The following RELN variants were observed in gnomAD, a reference collection of about 807,000 sequenced individuals.
RELN encodes the protein reelin.
In RELN, 108 loss-of-function variants were observed where a neutral mutation model predicts 427.6. The ratio of observed to expected loss-of-function variants is 0.25; its 90% CI spans 0.22 to 0.30. The LOEUF is 0.30. RELN is among the 10% of genes least tolerant of loss of function. The pLI, the probability that RELN is intolerant of heterozygous loss-of-function variation, is 1.00. For missense variants in RELN, 3,715 were observed against 4,302.8 expected (o/e 0.86, Z 3.82); for synonymous variants, 1,524 against 1,513.4 (o/e 1.01, Z -0.16).
At chr7:103,933,385 G>A (rs547790371) in intron 1 of RELN, among the ~76,000 whole-genome samples, 1 of 152,014 alleles carries the variant, frequency 6.6e-6, no homozygotes, top group Non-Finnish European at 1.5e-5. Context: ...CACTAAAGTA[G>A]GTGTTCGTTT....
At chr7:103,841,293 A>T (rs1448819773) in intron 2 of RELN, among the ~76,000 whole-genome samples, 1 of 152,114 alleles carries the variant, frequency 6.6e-6, no homozygotes, top group Admixed American at 6.6e-5. Flanking sequence ...AATCAATATC[A>T]CTCTGTAAAG....
At chr7:103,859,734 T>G (rs1794029180) in intron 2 of RELN, among the ~76,000 whole-genome samples, 1 of 152,200 alleles carries the variant, frequency 6.6e-6, no homozygotes, top group Admixed American at 6.5e-5. Context: ...GCACTTGAAC[T>G]TTTCTTCACA....
chr7:103,832,782 T>C (rs1410686566), intron 3 of RELN, among the ~76,000 whole-genome samples: 1 of 152,104 alleles, frequency 6.6e-6, no homozygotes, highest in Non-Finnish European at 1.5e-5. Context: ...TTCTACAGAG[T>C]ACCTGACTTC....
chr7:103,629,970 T>C lies in RELN; in HGVS notation c.2672A>G (p.Gln891Arg). The C allele has an allele frequency of 6.2e-7, 1 of 1,613,066 alleles. No individual in the cohort carries two copies. ...GGTCCAGTCGTGGCCACAGTATGGC[T>C]GAACATTTCCAAGGTAGAATCCCAG... ...QSLGFYLGNV[Q>R]PYCGHDWTLC... The change falls in exon 20 of 65, where the codon CAG becomes CGG. Residue 891 changes from glutamine to arginine, a missense_variant. By Grantham distance (43) the Gln-to-Arg change is conservative. Transcript: ENST00000428762.
At chr7:103,658,498 C>T (rs1400164725) in intron 12 of RELN, among the ~76,000 whole-genome samples, 1 of 151,962 alleles carries the variant, frequency 6.6e-6, no homozygotes, top group Non-Finnish European at 1.5e-5. Flanking sequence ...CGTATCCCAC[C>T]ATATTCCATC....
intron 3 of RELN, among the ~76,000 whole-genome samples, chr7:103,778,358 G>A (rs189488367): frequency 6.6e-6 from 1 of 152,190 alleles, no homozygotes; most frequent in African/African-American, 2.4e-5. Context: ...CTTTGGAAGG[G>A]ACACATTTTC....
chr7:103,896,532 A>C (rs574058406), intron 2 of RELN, among the ~76,000 whole-genome samples: 6 of 152,204 alleles, frequency 3.9e-5, no homozygotes, highest in African/African-American at 1.4e-4. Flanking sequence ...TATTTACATA[A>C]AGTTCTAGAA....
intron 8 of RELN, among the ~76,000 whole-genome samples, chr7:103,709,707 T>C (rs1789746033): frequency 6.6e-6 from 1 of 152,196 alleles, no homozygotes; most frequent in South Asian, 2.1e-4. Context: ...GTAAAAGTTG[T>C]TTGTCAGTAT....
intron 28 of RELN, among the ~76,000 whole-genome samples, chr7:103,578,257 C>A (rs1468548103): frequency 6.6e-6 from 1 of 152,060 alleles, no homozygotes; most frequent in Non-Finnish European, 1.5e-5. Flanking sequence ...ACCCAAGAAG[C>A]AGAATGCACT....
intron 22 of RELN, among the ~76,000 whole-genome samples, chr7:103,610,109 T>A (rs1831915708): frequency 6.6e-6 from 1 of 152,214 alleles, no homozygotes; most frequent in African/African-American, 2.4e-5. Context: ...ATATTACATC[T>A]TTTTGAGTGA....
chr7:103,707,073 A>C (rs1056931426), intron 8 of RELN, among the ~76,000 whole-genome samples: 1 of 152,128 alleles, frequency 6.6e-6, no homozygotes, highest in Non-Finnish European at 1.5e-5. Flanking sequence ...TCCTGGGCTC[A>C]AGAGATCCTC....
chr7:103,593,971 T>A, intron 26 of RELN, 89 bp from the exon 27 acceptor site: 1 of 986,998 alleles, frequency 1.0e-6, no homozygotes, highest in Non-Finnish European at 1.6e-6. Context: ...TGCTGGGCCA[T>A]GTACCATTTG....
intron 11 of RELN, among the ~76,000 whole-genome samples, chr7:103,666,354 C>A (rs770904321): frequency 5.3e-5 from 8 of 152,100 alleles, no homozygotes; most frequent in Non-Finnish European, 8.8e-5. Flanking sequence ...TTACAGGTGT[C>A]AGCCACTGTG....
At chr7:103,653,079 C>G (rs1408887821) in intron 13 of RELN, among the ~76,000 whole-genome samples, 1 of 152,010 alleles carries the variant, frequency 6.6e-6, no homozygotes, top group East Asian at 1.9e-4. Flanking sequence ...ATTTAATTAG[C>G]ACAAGACAAA....
intron 3 of RELN, among the ~76,000 whole-genome samples, chr7:103,816,944 C>A (rs1019265334): frequency 6.6e-6 from 1 of 152,110 alleles, no homozygotes; most frequent in African/African-American, 2.4e-5. Context: ...CTCCACCTCC[C>A]AGGTTCAAGC....
intron 2 of RELN, among the ~76,000 whole-genome samples, chr7:103,879,865 C>G (rs577148770): frequency 1.3e-5 from 2 of 152,222 alleles, no homozygotes; most frequent in South Asian, 4.1e-4. Flanking sequence ...TTTCTAAAAA[C>G]TGAGCTTGCA....
intron 1 of RELN, among the ~76,000 whole-genome samples, chr7:103,920,574 T>C (rs896198871): frequency 8.8e-6 from 1 of 114,092 alleles, no homozygotes; most frequent in Non-Finnish European, 1.6e-5. Context: ...TTGGTTTTTT[T>C]TTTTGTTTTT....
At chr7:103,612,311 CTTT>C (rs772526302) in intron 20 of RELN, among the ~76,000 whole-genome samples, 2 of 142,752 alleles carry the variant, frequency 1.4e-5, no homozygotes, top group African/African-American at 2.6e-5. Context: ...TTAAATAAGC[CTTT>C]TTTTTTTTTT....
chr7:103,889,610 A>G (rs558957636), intron 2 of RELN, among the ~76,000 whole-genome samples: 1 of 152,102 alleles, frequency 6.6e-6, no homozygotes, highest in African/African-American at 2.4e-5. Context: ...AAGATACTAC[A>G]TCTTCTCCAG....
Sources: allele counts gnomAD v4.1 joint callset (sites outside exome capture counted in the v4.1 genomes callset), GRCh38; gene constraint gnomAD v4.1.1; transcripts MANE v1.5; gene names NCBI Gene and HGNC (gene_info 2026-07-23, HGNC 2026-07-21).